Variants in SUSD5 observed in about 807,000 individuals in gnomAD.
The protein encoded by SUSD5 is sushi domain-containing protein 5.
Under a neutral mutation model 29.5 loss-of-function variants are expected in SUSD5, and 33 were observed. That is an observed-to-expected ratio of 1.12 (90% CI 0.85 to 1.49). The LOEUF (loss-of-function observed/expected upper bound fraction) is 1.49, where lower values mean the gene tolerates loss of function less well. Ranked by LOEUF, SUSD5 falls within the 40% of genes most tolerant of loss-of-function variation. The pLI is 0.00. For missense variants in SUSD5, 776 were observed against 800.6 expected (o/e 0.97, Z 0.37); for synonymous variants, 308 against 325.3 (o/e 0.95, Z 0.57).
In SUSD5 at chr3:33,178,442, T is replaced by G. The variant is rs114675265; in HGVS notation, c.410-3368A>C. Among the ~76,000 whole-genome samples, 1,136 of 114,370 alleles carry G rather than the reference T, an allele frequency of 9.9e-3. 19 individuals are homozygous for G. Among genetic ancestry groups the G allele is most frequent in the African/African-American group, 0.026 (970 of 36,772 alleles). The allele number at this position is 114,370 out of a possible 152,430, so 75.0% of individuals were successfully genotyped here. A position where few individuals can be genotyped will look rare whatever the true frequency, so the allele number is the denominator to read the frequency against. ...GAGATACATTGGTCTGTAGTTTTTTTTTTGTTGTTGTTTTGTTTTTTTTTG... is the reference window on the plus strand; with the variant it reads ...GAGATACATTGGTCTGTAGTTTTTTGTTTGTTGTTGTTTTGTTTTTTTTTG... On this transcript the variant is annotated intron_variant, in intron 3 of 4. Transcript: ENST00000309558.
At chr3:33,190,108 AC>A (rs1272730316) in intron 3 of SUSD5, 1 of 152,710 alleles carries the variant, frequency 6.5e-6, no homozygotes, top group Non-Finnish European at 1.5e-5. Context: ...GGACTGCCCA[AC>A]AAAAATATTC....
At chr3:33,210,414 C>G (rs963831802) in intron 2 of SUSD5, among the ~76,000 whole-genome samples, 1 of 152,204 alleles carries the variant, frequency 6.6e-6, no homozygotes, top group Non-Finnish European at 1.5e-5. Flanking sequence ...CTCCAACCTC[C>G]TAGTCCCATG....
chr3:33,211,205 T>C (rs1161733597), intron 2 of SUSD5, among the ~76,000 whole-genome samples: 1 of 152,186 alleles, frequency 6.6e-6, no homozygotes, highest in Non-Finnish European at 1.5e-5. Flanking sequence ...TATGTTTTCT[T>C]TGTAAGGTAA....
In SUSD5 at chr3:33,167,414, C is replaced by T. The variant is rs111998575; in HGVS notation, c.598+7472G>A. On this transcript the variant is annotated intron_variant, in intron 4 of 4. Transcript: ENST00000309558. The surrounding 1 kb of genome is among the most constrained non-coding windows in gnomAD (Gnocchi z 4.1). Reference sequence around the variant, plus strand: ...GTGTGTTTGTTTGTGTGCATGCATGCGTGTGTGTGTGTCTGTGTATGCATG... The same window carrying T: ...GTGTGTTTGTTTGTGTGCATGCATGTGTGTGTGTGTGTCTGTGTATGCATG... 1.3e-5 allele frequency among the ~76,000 whole-genome samples: 2 copies of T among 151,478 alleles called. No homozygotes were observed. Among genetic ancestry groups the T allele is most frequent in the East Asian group, 1.9e-4 (1 of 5,136 alleles).
chr3:33,198,903 T>G (rs1307102152), intron 3 of SUSD5, among the ~76,000 whole-genome samples: 1 of 152,098 alleles, frequency 6.6e-6, no homozygotes, highest in African/African-American at 2.4e-5. Context: ...CCCGGGACAC[T>G]GAAGTCAGCA....
intron 3 of SUSD5, among the ~76,000 whole-genome samples, chr3:33,189,351 G>A (rs922761416): frequency 1.1e-4 from 16 of 151,934 alleles, no homozygotes; most frequent in African/African-American, 3.9e-4. Context: ...GGCGGCGCAC[G>A]CCTGTAGTCC....
chr3:33,153,082 G>C lies in SUSD5; in HGVS notation c.1550C>G (p.Thr517Ser), dbSNP rs1559441873. 6.2e-7 allele frequency: 1 copy of C among 1,613,742 alleles called. No homozygotes were observed. The highest frequency in any genetic ancestry group is 8.5e-7 in the Non-Finnish European group (1 of 1,179,848). Residue 517 changes from threonine to serine, a missense_variant, in exon 5 of 5, where the codon ACC becomes AGC. Physicochemically the swap from Thr to Ser is moderately conservative, Grantham distance 58 (BLOSUM62 1). Transcript: ENST00000309558. ...AGTGGTTTCTACTGGAGGCTGGGTG[G>C]TTGCCATGATCGTTGAGGGGATGTG... ...PNHIPSTIMATTQPPVETTVP... is the reference protein window; with the variant it reads ...PNHIPSTIMASTQPPVETTVP...
At chr3:33,169,964 C>G (rs1273282308) in intron 4 of SUSD5, among the ~76,000 whole-genome samples, 1 of 152,004 alleles carries the variant, frequency 6.6e-6, no homozygotes. Flanking sequence ...ATCACCCAGG[C>G]TGCAGTGCAG....
At chr3:33,195,174 G>A (rs1402214649) in intron 3 of SUSD5, among the ~76,000 whole-genome samples, 4 of 152,192 alleles carry the variant, frequency 2.6e-5, no homozygotes, top group African/African-American at 4.8e-5. Context: ...CAGCCTGGGG[G>A]ACAGAGTGAG....
chr3:33,177,003 A>C (rs1413413820), intron 3 of SUSD5, among the ~76,000 whole-genome samples: 4 of 152,156 alleles, frequency 2.6e-5, no homozygotes, highest in Non-Finnish European at 4.4e-5. Context: ...AGCTTTATAG[A>C]TGTCTTCAGG....
At chr3:33,163,466 GCATCTGA>G (rs1320011291) in intron 4 of SUSD5, among the ~76,000 whole-genome samples, 1 of 152,098 alleles carries the variant, frequency 6.6e-6, no homozygotes, top group Non-Finnish European at 1.5e-5. Flanking sequence ...TTTTAGAAAA[GCATCTGA>G]CAAAGTCAAC....
At chr3:33,180,314 T>C (rs2031641452) in intron 3 of SUSD5, among the ~76,000 whole-genome samples, 1 of 152,164 alleles carries the variant, frequency 6.6e-6, no homozygotes, top group Non-Finnish European at 1.5e-5. Context: ...AAGCCTAGGC[T>C]AATGTGCATG....
chr3:33,209,889 A>G (rs1280458943), intron 2 of SUSD5, among the ~76,000 whole-genome samples: 2 of 152,132 alleles, frequency 1.3e-5, no homozygotes, highest in African/African-American at 2.4e-5. Flanking sequence ...TTTCATGTCT[A>G]GAGTTTCCAT....
At position 33,152,790 on chromosome 3, in the gene SUSD5, C is replaced by T. The variant is rs367711617; in HGVS notation, c.1842G>A (p.Gln614=). The T allele has an allele frequency of 2.9e-5, 46 of 1,613,704 alleles. No individual in the cohort carries two copies. Among genetic ancestry groups the T allele is most frequent in the East Asian group, 1.1e-4 (5 of 44,882 alleles). ...GCTGGTGGTAGTGCCGAGCCTGCCG[C>T]TGGCCAACATTCAGCTTGTACACAG... The part of the protein sequence containing the change: ...KSSVYKLNVG[Q]RQARHYHQQI... The change falls in exon 5 of 5, where the codon CAG becomes CAA. Residue 614 remains glutamine (Q), a synonymous_variant. Transcript: ENST00000309558.
chr3:33,156,689 A>G (rs1462038476), intron 4 of SUSD5, among the ~76,000 whole-genome samples: 6 of 152,244 alleles, frequency 3.9e-5, no homozygotes, highest in African/African-American at 1.4e-4. Context: ...GCCAAGGTCT[A>G]GATGGAATGC....
At chr3:33,182,075 T>C (rs1428025927) in intron 3 of SUSD5, among the ~76,000 whole-genome samples, 1 of 152,262 alleles carries the variant, frequency 6.6e-6, no homozygotes, top group Non-Finnish European at 1.5e-5. Context: ...ATGTATTCAC[T>C]GCTATAAGTT....
Position 33,153,129 on chromosome 3 carries a change from G to T in SUSD5, c.1503C>A (p.Asn501Lys), listed in dbSNP as rs751551670. The T allele has an allele frequency of 6.2e-7, 1 of 1,613,896 alleles. No individual in the cohort carries two copies. Among genetic ancestry groups the T allele is most frequent in the East Asian group, 2.2e-5 (1 of 44,856 alleles). The change falls in exon 5 of 5, where the codon AAC becomes AAA. Residue 501 changes from asparagine (N) to lysine (K), a missense_variant. By Grantham distance (94) the Asn-to-Lys change is moderately conservative. Transcript: ENST00000309558. ...TGTGGTTAGGTGTCTGCTTGACAGT[G>T]TTCACTGTTAATATCTCCAGGGTGG... ...TSSTLEILTV[N>K]TVKQTPNHIP...
rs1346114581 is a variant in SUSD5 at position 33,150,374 on chromosome 3, TAC to T, written c.*2366_*2367del. The T allele has an allele frequency of 6.6e-6, 1 of 152,214 alleles. No individual in the cohort carries two copies. The highest frequency in any genetic ancestry group is 2.4e-5 in the African/African-American group (1 of 41,452). 9.4% of individuals were successfully genotyped at this position (152,214 alleles called of 1,614,324 possible). The stretch of plus-strand genomic sequence containing the variant: ...TAATAATTTGTAATAAATTTATTAA[TAC>T]ACTGTATTAATATTGCCTATTTGTT... On this transcript the variant is annotated 3_prime_UTR_variant, in exon 5 of 5. Coordinates refer to ENST00000309558, the MANE Select transcript of SUSD5 (RefSeq NM_015551.2).
intron 3 of SUSD5, among the ~76,000 whole-genome samples, chr3:33,195,362 G>A (rs1267806038): frequency 1.3e-5 from 2 of 152,156 alleles, no homozygotes; most frequent in Non-Finnish European, 2.9e-5. Flanking sequence ...GTGATGTGCT[G>A]ATAAATATTA....
Sources: allele counts gnomAD v4.1 joint callset (sites outside exome capture counted in the v4.1 genomes callset), GRCh38; gene constraint gnomAD v4.1.1; non-coding constraint Gnocchi (gnomAD v3.1); transcripts MANE v1.5; gene names NCBI Gene and HGNC (gene_info 2026-07-23, HGNC 2026-07-21).